The following DOCK7 variants were observed in gnomAD, a reference collection of about 807,000 sequenced individuals.
The protein encoded by DOCK7 is dedicator of cytokinesis protein 7.
A neutral mutation model predicts 271.0 loss-of-function variants in DOCK7; 138 were observed. The ratio of observed to expected loss-of-function variants is 0.51; its 90% CI spans 0.44 to 0.59. DOCK7 has a LOEUF of 0.59. DOCK7 is among the 20% of genes least tolerant of loss of function. The pLI is 0.00. For synonymous variants in DOCK7, 823 were observed against 876.1 expected, an observed-to-expected ratio of 0.94 and a Z score of 1.07; for missense variants, 2,066 against 2,592.4, an observed-to-expected ratio of 0.80 and a Z score of 4.41.
intron 15 of DOCK7, chr1:62,584,852 C>T (rs1186802143): frequency 1.1e-5 from 8 of 719,118 alleles, no homozygotes; most frequent in Admixed American, 6.0e-5. Flanking sequence ...GTCTAACTGT[C>T]GGTATAGGAT....
intron 4 of DOCK7, among the ~76,000 whole-genome samples, chr1:62,649,505 T>C (rs1045801300): frequency 2.0e-5 from 3 of 152,232 alleles, no homozygotes; most frequent in African/African-American, 7.2e-5. Flanking sequence ...TAATCTTTAA[T>C]GGAATGTTTC....
chr1:62,504,577 C>A, intron 37 of DOCK7, 53 bp downstream of exon 37: 1 of 1,547,838 alleles, frequency 6.5e-7, no homozygotes. Context: ...TAACTATCAG[C>A]AGAAGTTATA....
At chr1:62,586,457 C>A in intron 15 of DOCK7, 50 bp downstream of exon 15, 2 of 1,384,480 alleles carry the variant, frequency 1.4e-6, no homozygotes, top group South Asian at 2.6e-5. Context: ...AGAAAAAAGT[C>A]TATTTGAACT....
At chr1:62,531,959 A>G (rs1276724976) in intron 29 of DOCK7, among the ~76,000 whole-genome samples, 1 of 152,228 alleles carries the variant, frequency 6.6e-6, no homozygotes, top group Non-Finnish European at 1.5e-5. Context: ...GGGAGAGGAC[A>G]GATCATAAAC....
In DOCK7 at chr1:62,485,119, G is replaced by C. The variant is rs531320997; in HGVS notation, c.5508+2279C>G. 4.6e-5 allele frequency: 45 copies of C among 977,804 alleles called. No homozygotes were observed. In the South Asian group the frequency reaches 1.6e-3, roughly 34 times the overall value. 60.6% of individuals were successfully genotyped at this position (977,804 alleles called of 1,614,324 possible). A position where few individuals can be genotyped will look rare whatever the true frequency, so the allele number is the denominator to read the frequency against. On this transcript the variant is annotated intron_variant, in intron 43 of 49. Transcript: ENST00000635253. ...CCACTGCACTCCAGTCTGAATTACA[G>C]AGTGAGACCCCATCTCATAAACAAA...
intron 34 of DOCK7, among the ~76,000 whole-genome samples, chr1:62,508,629 T>C (rs1274268983): frequency 6.6e-6 from 1 of 152,188 alleles, no homozygotes; most frequent in African/African-American, 2.4e-5. Context: ...ACGAATATGC[T>C]AGTTAGCTTG....
At chr1:62,672,146 A>G (rs1423853824) in intron 1 of DOCK7, among the ~76,000 whole-genome samples, 1 of 152,078 alleles carries the variant, frequency 6.6e-6, no homozygotes. Context: ...ACTAGTTAAT[A>G]TTTTCTTGGT....
chr1:62,634,116 G>T (rs1026705664), intron 9 of DOCK7, among the ~76,000 whole-genome samples: 2 of 151,518 alleles, frequency 1.3e-5, no homozygotes, highest in African/African-American at 4.8e-5. Flanking sequence ...ATGAGGAATC[G>T]AAAAAGGAAA....
intron 21 of DOCK7, among the ~76,000 whole-genome samples, chr1:62,553,896 A>G (rs762038813): frequency 1.3e-5 from 2 of 151,418 alleles, no homozygotes; most frequent in Admixed American, 6.6e-5. Flanking sequence ...ACTTCGGTAT[A>G]GTTGGTATTT....
intron 11 of DOCK7, among the ~76,000 whole-genome samples, chr1:62,629,940 G>A (rs994689409): frequency 6.6e-6 from 1 of 152,142 alleles, no homozygotes; most frequent in African/African-American, 2.4e-5. Context: ...ATAAAAATAA[G>A]TAGGATAATT....
intron 48 of DOCK7, among the ~76,000 whole-genome samples, chr1:62,468,158 C>G (rs896268602): frequency 1.3e-5 from 2 of 151,778 alleles, no homozygotes; most frequent in Non-Finnish European, 2.9e-5. Context: ...GTCGGGAGTT[C>G]GAGACCAGCC....
chr1:62,542,969 T>C (rs1165356081), intron 24 of DOCK7, among the ~76,000 whole-genome samples: 3 of 152,146 alleles, frequency 2.0e-5, no homozygotes, highest in Admixed American at 6.6e-5. Flanking sequence ...GCCTCCTAAA[T>C]TGTACCTGCA....
At position 62,521,962 on chromosome 1, in the gene DOCK7, C is replaced by T. The variant is rs1016725825; in HGVS notation, c.3936+6189G>A. 2.1e-4 allele frequency among the ~76,000 whole-genome samples: 32 copies of T among 151,324 alleles called. No homozygotes were observed. The South Asian group carries it at 4.6e-3, about 22-fold the overall frequency. ...CTGCACTCCAGCCTGTGTGATACAG[C>T]GAGATATCATCTCAAAAAATAAAAT... On this transcript the variant is annotated intron_variant, in intron 31 of 49. Transcript: ENST00000635253.
rs762068098 is a variant in DOCK7, at chr1:62,529,463, A to C, written c.3612-17T>G. 25 of 1,586,626 alleles carry C rather than the reference A, an allele frequency of 1.6e-5. No individual in the cohort carries two copies. The highest frequency in any genetic ancestry group is 2.1e-5 in the Non-Finnish European group (24 of 1,167,126). ...CCAAACAGTCTATTTAAAAAGAAGAAGACAAAGAAGAAAAAGCAGTAAGGC... is the reference window on the plus strand; with the variant it reads ...CCAAACAGTCTATTTAAAAAGAAGACGACAAAGAAGAAAAAGCAGTAAGGC... On this transcript the variant is annotated splice_polypyrimidine_tract_variant and intron_variant, in intron 29 of 49. Transcript: ENST00000635253.
At chr1:62,633,685 A>AT in intron 9 of DOCK7, 107 bp from the exon 10 acceptor site, 6 of 720,612 alleles carry the variant, frequency 8.3e-6, no homozygotes, top group African/African-American at 3.5e-5. Flanking sequence ...GACAGAAAAA[A>AT]ATATATGACA....
chr1:62,590,971 C>T (rs1242322197), intron 14 of DOCK7, among the ~76,000 whole-genome samples: 1 of 152,102 alleles, frequency 6.6e-6, no homozygotes, highest in Non-Finnish European at 1.5e-5. Context: ...CCATTCGACC[C>T]AGCAATCCCA....
chr1:62,464,343 G>A (rs1645614636), intron 48 of DOCK7, among the ~76,000 whole-genome samples: 1 of 151,018 alleles, frequency 6.6e-6, no homozygotes, highest in Admixed American at 6.6e-5. Flanking sequence ...TTACAGGCCT[G>A]AGCCACCATG....
In DOCK7 at chr1:62,583,194, AT is replaced by A; in HGVS notation, c.1860del (p.Tyr621IlefsTer20). The A allele has an allele frequency of 6.2e-7, 1 of 1,612,344 alleles. No individual in the cohort carries two copies. Among genetic ancestry groups the A allele is most frequent in the East Asian group, 2.2e-5 (1 of 44,806 alleles). On this transcript the variant is annotated frameshift_variant, in exon 16 of 50. Coordinates refer to ENST00000635253, the MANE Select transcript of DOCK7 (RefSeq NM_001367561.1). LOFTEE classifies it high-confidence loss of function. ...ATTTGAATTCAGTACCTGTTATGATATACTACGGCTGTATAGGCTTCCTTTG... is the reference window on the plus strand; with the variant it reads ...ATTTGAATTCAGTACCTGTTATGATAACTACGGCTGTATAGGCTTCCTTTG... ...EFSKEAYTAV[V>X]YHNRSPDFHE...
At position 62,510,590 on chromosome 1, in the gene DOCK7, CTG is replaced by C; in HGVS notation, c.4364_4365del (p.Thr1455ArgfsTer4). The C allele has an allele frequency of 1.9e-6, 3 of 1,613,078 alleles. No individual in the cohort carries two copies. Among genetic ancestry groups the C allele is most frequent in the Non-Finnish European group, 2.5e-6 (3 of 1,179,452 alleles). ...AAGCTGTATTACTTGTCAAGCTTCT[CTG>C]TGTTTTGACGCCAGTGAGTCATATC... Reference protein sequence around the residue: ...RKDMTHWRQNTEKLDKSRAEI... With the variant: ...RKDMTHWRQNXEKLDKSRAEI... On this transcript the variant is annotated frameshift_variant, in exon 34 of 50. Coordinates refer to ENST00000635253, the MANE Select transcript of DOCK7 (RefSeq NM_001367561.1). LOFTEE classifies it high-confidence loss of function.
Sources: gnomAD v4.1 joint callset for allele counts (sites outside exome capture counted in the v4.1 genomes callset) on GRCh38, gnomAD v4.1.1 for gene constraint, MANE v1.5 for transcripts, NCBI Gene and HGNC (gene_info 2026-07-23, HGNC 2026-07-21) for gene names.